Variants in LRFN5 observed in about 807,000 individuals in gnomAD.
LRFN5 encodes the protein leucine rich repeat and fibronectin type III domain containing 5, also known as leucine-rich repeat and fibronectin type-III domain-containing protein 5.
LRFN5 carries 24 observed loss-of-function variants against 45.6 expected under a neutral mutation model. That is an observed-to-expected ratio of 0.53 (90% CI 0.38 to 0.74). The LOEUF (loss-of-function observed/expected upper bound fraction) is 0.74, where lower values mean the gene tolerates loss of function less well. LRFN5 is among the 30% of genes least tolerant of loss of function. The pLI, the probability that LRFN5 is intolerant of heterozygous loss-of-function variation, is 0.00. For missense variants in LRFN5, 776 were observed against 861.5 expected (o/e 0.90, Z 1.24); for synonymous variants, 340 against 313.8 (o/e 1.08, Z -0.88).
rs562099283 is a variant in LRFN5 at position 41,891,883 on chromosome 14, A to G, written c.2019A>G (p.Ser673=). The change falls in exon 4 of 6, where the codon TCA becomes TCG. Residue 673 remains serine (S), a synonymous_variant. Transcript: ENST00000298119. Reference sequence around the variant, plus strand: ...CCCAAAACACTAACAGGAACAACTCAACTGCCTTGCAGTTAGCTAGCCGTC... The same window carrying G: ...CCCAAAACACTAACAGGAACAACTCGACTGCCTTGCAGTTAGCTAGCCGTC... ...VESQNTNRNN[S]TALQLASRPP... 50 of 1,614,180 alleles carry G rather than the reference A, an allele frequency of 3.1e-5. 1 individual carries two copies. In the South Asian group the frequency reaches 4.9e-4, roughly 16 times the overall value.
At chr14:41,725,905 A>C (rs1883910614) in intron 1 of LRFN5, among the ~76,000 whole-genome samples, 1 of 152,208 alleles carries the variant, frequency 6.6e-6, no homozygotes, top group African/African-American at 2.4e-5. Context: ...GGTAAAAAAC[A>C]TGTTAGAAAA....
At chr14:41,753,082 G>T (rs1302332665) in intron 1 of LRFN5, among the ~76,000 whole-genome samples, 3 of 152,076 alleles carry the variant, frequency 2.0e-5, no homozygotes, top group Non-Finnish European at 4.4e-5. Flanking sequence ...TTGTAGATAT[G>T]CGGCATTATT....
intron 1 of LRFN5, among the ~76,000 whole-genome samples, chr14:41,642,349 A>G (rs1445041101): frequency 6.6e-6 from 1 of 152,214 alleles, no homozygotes; most frequent in African/African-American, 2.4e-5. Flanking sequence ...CAGATTTAGT[A>G]TATCATTCCT....
intron 2 of LRFN5, among the ~76,000 whole-genome samples, chr14:41,827,684 A>C (rs1888344359): frequency 6.6e-6 from 1 of 152,068 alleles, no homozygotes; most frequent in Non-Finnish European, 1.5e-5. Context: ...TCGTTAACCA[A>C]TTAAAGCAAA....
chr14:41,886,708 T>C lies in LRFN5; in HGVS notation c.83T>C (p.Ile28Thr). ...TGTCCAAAGCGTTGTGTCTGTCAGA[T>C]TTTGTCTCCTAATCTTGCAACCCTT... ...QICPKRCVCQ[I>T]LSPNLATLCA... The change falls in exon 3 of 6, where the codon ATT (isoleucine) becomes ACT (threonine). Residue 28 changes from isoleucine (I) to threonine (T), a missense_variant. Transcript: ENST00000298119. 1 of 1,614,186 alleles carries C rather than the reference T, an allele frequency of 6.2e-7. No homozygotes were observed. Among genetic ancestry groups the C allele is most frequent in the East Asian group, 2.2e-5 (1 of 44,872 alleles).
rs1219603968 is a variant in LRFN5 at position 41,657,775 on chromosome 14, A to G, written c.-197+49213A>G. On this transcript the variant is annotated intron_variant, in intron 1 of 5. Transcript: ENST00000298119. ...ATTATTTAATAAACCTTCCCAATTCATCTCCTTTGTCAAGGGCATCCTGTG... is the reference window on the plus strand; with the variant it reads ...ATTATTTAATAAACCTTCCCAATTCGTCTCCTTTGTCAAGGGCATCCTGTG... Among the ~76,000 whole-genome samples, 9 of 152,036 alleles carry G rather than the reference A, an allele frequency of 5.9e-5. No individual in the cohort carries two copies. In the East Asian group the frequency reaches 1.7e-3, roughly 29 times the overall value.
intron 1 of LRFN5, among the ~76,000 whole-genome samples, chr14:41,673,665 AG>A (rs1307082069): frequency 2.6e-5 from 2 of 76,634 alleles, no homozygotes; most frequent in African/African-American, 1.0e-4. Flanking sequence ...CTGGCCGGGC[AG>A]GGGGGCTGAC....
intron 1 of LRFN5, among the ~76,000 whole-genome samples, chr14:41,734,316 T>TATATATATATATATATA (rs1884314909): frequency 1.0e-4 from 4 of 38,768 alleles, no homozygotes; most frequent in African/African-American, 1.6e-4. Flanking sequence ...TGGACTGGTT[T>TATATATATATATATATA]TATATATATA....
At chr14:41,761,267 G>A (rs1425714324) in intron 1 of LRFN5, among the ~76,000 whole-genome samples, 1 of 149,718 alleles carries the variant, frequency 6.7e-6, no homozygotes, top group Admixed American at 6.7e-5. Context: ...GAGGGAGGGA[G>A]GCAGGAGAAA....
chr14:41,844,458 A>C (rs1302117277), intron 2 of LRFN5, among the ~76,000 whole-genome samples: 1 of 151,690 alleles, frequency 6.6e-6, no homozygotes, highest in Non-Finnish European at 1.5e-5. Context: ...AAATATGTAT[A>C]TTTATATGTA....
intron 1 of LRFN5, among the ~76,000 whole-genome samples, chr14:41,733,089 A>G (rs766058844): frequency 6.6e-6 from 1 of 151,364 alleles, no homozygotes; most frequent in Non-Finnish European, 1.5e-5. Flanking sequence ...GACCATTGGT[A>G]TGTCATCAAG....
At chr14:41,689,224 G>C (rs1038114122) in intron 1 of LRFN5, among the ~76,000 whole-genome samples, 1 of 151,944 alleles carries the variant, frequency 6.6e-6, no homozygotes, top group Non-Finnish European at 1.5e-5. Flanking sequence ...TATTGAACAC[G>C]GCAAATAGTT....
chr14:41,610,251 T>TTCTC (rs368608834), intron 1 of LRFN5: 9 of 151,974 alleles, frequency 5.9e-5, no homozygotes, highest in Admixed American at 5.2e-4. Context: ...TGCAAAACCT[T>TTCTC]TCTCTCTCTC....
intron 2 of LRFN5, among the ~76,000 whole-genome samples, chr14:41,793,569 A>G (rs543674229): frequency 6.6e-6 from 1 of 152,188 alleles, no homozygotes; most frequent in East Asian, 1.9e-4. Flanking sequence ...TGGTAGGGCA[A>G]CACTACAATT....
intron 2 of LRFN5, among the ~76,000 whole-genome samples, chr14:41,774,223 G>T (rs1256832821): frequency 6.6e-6 from 1 of 152,160 alleles, no homozygotes; most frequent in Admixed American, 6.6e-5. Context: ...AATTTGTACT[G>T]ACTCAATGTA....
At chr14:41,617,736 G>T (rs963127655) in intron 1 of LRFN5, among the ~76,000 whole-genome samples, 3 of 152,106 alleles carry the variant, frequency 2.0e-5, no homozygotes, top group Non-Finnish European at 4.4e-5. Flanking sequence ...TGGGTGATTT[G>T]CCCTCTTTAA....
At chr14:41,672,164 G>C (rs897041682) in intron 1 of LRFN5, among the ~76,000 whole-genome samples, 4 of 152,076 alleles carry the variant, frequency 2.6e-5, no homozygotes, top group African/African-American at 4.8e-5. Flanking sequence ...TACCTCACTA[G>C]ACGTTAGGAT....
At chr14:41,901,732 A>G (rs548654038) in intron 5 of LRFN5, among the ~76,000 whole-genome samples, 1 of 152,068 alleles carries the variant, frequency 6.6e-6, no homozygotes, top group Non-Finnish European at 1.5e-5. Flanking sequence ...AATACATGAA[A>G]TAAGAGCCAA....
intron 1 of LRFN5, among the ~76,000 whole-genome samples, chr14:41,624,104 G>C (rs1030491916): frequency 3.9e-5 from 6 of 151,930 alleles, no homozygotes; most frequent in African/African-American, 1.5e-4. Flanking sequence ...CAAATACCTT[G>C]AGCTTCAGAT....
Sources: gnomAD v4.1 joint callset for allele counts (sites outside exome capture counted in the v4.1 genomes callset) on GRCh38, gnomAD v4.1.1 for gene constraint, MANE v1.5 for transcripts, NCBI Gene and HGNC (gene_info 2026-07-23, HGNC 2026-07-21) for gene names.